The following ATP10B variants were observed in gnomAD, a reference collection of about 807,000 sequenced individuals.
ATP10B encodes phospholipid-transporting ATPase VB.
ATP10B carries 122 observed loss-of-function variants against 141.2 expected under a neutral mutation model. That is an observed-to-expected ratio of 0.86 (90% CI 0.75 to 1.00). ATP10B has a LOEUF of 1.00. ATP10B is among the 50% of genes least tolerant of loss of function. The pLI is 0.00. For missense variants in ATP10B, 1,876 were observed against 1,825.3 expected, an observed-to-expected ratio of 1.03 and a Z score of -0.51; for synonymous variants, 685 against 692.0, an observed-to-expected ratio of 0.99 and a Z score of 0.16.
At chr5:160,813,345 A>C (rs6556526) in intron 1 of ATP10B, among the ~76,000 whole-genome samples, 150,643 of 152,350 alleles carry the variant, frequency 0.99, 74,494 homozygotes, top group South Asian at 1. Flanking sequence ...TATCCCGCGC[A>C]TGGCTTGGAG....
chr5:160,765,973 A>C (rs1480126690), intron 2 of ATP10B, among the ~76,000 whole-genome samples: 2 of 152,224 alleles, frequency 1.3e-5, no homozygotes, highest in Admixed American at 1.3e-4. Flanking sequence ...ATCACTAATT[A>C]TCAGGAAAAT....
rs533780948 is a variant in ATP10B at position 160,724,349 on chromosome 5, C to T, written c.-330-7315G>A. Reference sequence around the variant, plus strand: ...CATAGCTCACTGTAACTTTGACCTACAGGCCTCAAGTGATCATCCCACCTC... The same window carrying T: ...CATAGCTCACTGTAACTTTGACCTATAGGCCTCAAGTGATCATCCCACCTC... On this transcript the variant is annotated intron_variant, in intron 2 of 25. Coordinates refer to ENST00000327245, the MANE Select transcript of ATP10B (RefSeq NM_025153.3). Among the ~76,000 whole-genome samples the T allele has an allele frequency of 4.1e-5, 6 of 145,548 alleles. No individual in the cohort carries two copies. In the Admixed American group the frequency reaches 4.2e-4, roughly 10 times the overall value.
intron 18 of ATP10B, among the ~76,000 whole-genome samples, chr5:160,609,328 T>C (rs1181796177): frequency 2.0e-5 from 3 of 152,056 alleles, no homozygotes; most frequent in Non-Finnish European, 2.9e-5. Flanking sequence ...TTGGGGAACA[T>C]TGATCTAGAG....
chr5:160,799,990 T>G (rs542575179), intron 1 of ATP10B, among the ~76,000 whole-genome samples: 3 of 152,210 alleles, frequency 2.0e-5, no homozygotes, highest in Non-Finnish European at 4.4e-5. Context: ...ATGTTGCATA[T>G]TCTTCATATC....
intron 24 of ATP10B, among the ~76,000 whole-genome samples, chr5:160,579,246 G>A (rs1003677253): frequency 6.6e-6 from 1 of 152,110 alleles, no homozygotes; most frequent in African/African-American, 2.4e-5. Flanking sequence ...CTTTGCCCAT[G>A]CCTATGTCCT....
the ATP10B span, among the ~76,000 whole-genome samples, chr5:160,879,482 C>A: frequency 1.4e-5 from 2 of 141,146 alleles, no homozygotes; most frequent in Non-Finnish European, 3.0e-5. Flanking sequence ...CACATGTATA[C>A]GTATGTAACT....
intron 18 of ATP10B, among the ~76,000 whole-genome samples, chr5:160,607,730 T>C (rs772297054): frequency 5.3e-5 from 8 of 152,232 alleles, no homozygotes; most frequent in Non-Finnish European, 1.0e-4. Flanking sequence ...AAAAGTCTTA[T>C]TGATGGAAAT....
At chr5:160,755,987 T>A (rs1309535026) in intron 2 of ATP10B, among the ~76,000 whole-genome samples, 1 of 150,648 alleles carries the variant, frequency 6.6e-6, no homozygotes, top group East Asian at 1.9e-4. Context: ...TTTTGACATA[T>A]GTATACATTC....
chr5:160,648,034 A>C (rs1299977967), intron 8 of ATP10B, among the ~76,000 whole-genome samples: 1 of 152,160 alleles, frequency 6.6e-6, no homozygotes, highest in African/African-American at 2.4e-5. Context: ...TATGGAAAGC[A>C]CACTGGGGTT....
chr5:160,745,855 C>A (rs1385949754), intron 2 of ATP10B, among the ~76,000 whole-genome samples: 1 of 152,226 alleles, frequency 6.6e-6, no homozygotes, highest in South Asian at 2.1e-4. Flanking sequence ...TGCCCATGGG[C>A]TGGGCCCAAT....
intron 24 of ATP10B, among the ~76,000 whole-genome samples, chr5:160,582,636 G>A (rs1399488181): frequency 2.0e-5 from 3 of 152,000 alleles, no homozygotes; most frequent in East Asian, 1.9e-4. Flanking sequence ...GTCTTGCTAG[G>A]TTGGAGAAGT....
At chr5:160,794,855 A>G (rs1166969941) in intron 1 of ATP10B, among the ~76,000 whole-genome samples, 2 of 152,206 alleles carry the variant, frequency 1.3e-5, no homozygotes, top group African/African-American at 4.8e-5. Flanking sequence ...TTATTTCATT[A>G]ATAGCAATTT....
At chr5:160,821,012 G>A (rs1371520560) in intron 1 of ATP10B, among the ~76,000 whole-genome samples, 1 of 151,858 alleles carries the variant, frequency 6.6e-6, no homozygotes, top group Admixed American at 6.6e-5. Flanking sequence ...CACCTAGCTA[G>A]AGCAATCAGA....
chr5:160,653,664 CATATATATT>C (rs1381034710), intron 7 of ATP10B, among the ~76,000 whole-genome samples: 38 of 112,530 alleles, frequency 3.4e-4, no homozygotes, highest in African/African-American at 1.3e-3. Flanking sequence ...TACATATATA[CATATATATT>C]ATATATACAT....
intron 2 of ATP10B, among the ~76,000 whole-genome samples, chr5:160,784,144 A>C (rs560670124): frequency 1.3e-5 from 2 of 152,268 alleles, no homozygotes; most frequent in African/African-American, 4.8e-5. Context: ...AGTCTTTCTG[A>C]AACTCTTGGA....
rs143876237 is a variant in ATP10B, at chr5:160,777,734, G to A, written c.-331+7825C>T. Among the ~76,000 whole-genome samples the A allele has an allele frequency of 3.6e-4, 55 of 152,152 alleles. No homozygotes were observed. In the East Asian group the frequency reaches 9.8e-3, roughly 27 times the overall value. ...CACCAGTGAAAGCCAAGTATTTTTCGAAACAATTCTCTAGAGGATATACTT... is the reference window on the plus strand; with the variant it reads ...CACCAGTGAAAGCCAAGTATTTTTCAAAACAATTCTCTAGAGGATATACTT... On this transcript the variant is annotated intron_variant, in intron 2 of 25. Coordinates refer to ENST00000327245, the MANE Select transcript of ATP10B (RefSeq NM_025153.3).
chr5:160,762,406 G>A (rs1025291201), intron 2 of ATP10B, among the ~76,000 whole-genome samples: 19 of 152,096 alleles, frequency 1.2e-4, no homozygotes, highest in African/African-American at 3.6e-4. Flanking sequence ...GGGTCCTATC[G>A]TTAGCCTCCT....
Position 160,813,606 on chromosome 5 carries a change from G to A in ATP10B, c.-575-27803C>T, listed in dbSNP as rs142475879. Among the ~76,000 whole-genome samples the A allele has an allele frequency of 5.5e-3, 840 of 152,322 alleles. 7 individuals carry two copies. The highest frequency in any genetic ancestry group is 0.019 in the African/African-American group (781 of 41,566). On this transcript the variant is annotated intron_variant, in intron 1 of 25. Transcript: ENST00000327245. The stretch of plus-strand genomic sequence containing the variant: ...AGCAGAATCCTCTGCAGACTTAAAT[G>A]TCCCTGTCTGACAGCTTCGAAGAGA...
At position 160,809,612 on chromosome 5, in the gene ATP10B, C is replaced by T. The variant is rs938128313; in HGVS notation, c.-575-23809G>A. 9.9e-5 allele frequency among the ~76,000 whole-genome samples: 15 copies of T among 152,208 alleles called. No homozygotes were observed. The East Asian group carries it at 1.5e-3, about 16-fold the overall frequency. On this transcript the variant is annotated intron_variant, in intron 1 of 25. Transcript: ENST00000327245. Reference sequence around the variant, plus strand: ...ATTATTGTTAACAATAGTCATCTTACGGTGCTATAGAATATTGAAACTTAT... The same window carrying T: ...ATTATTGTTAACAATAGTCATCTTATGGTGCTATAGAATATTGAAACTTAT...
Sources: gnomAD v4.1 joint callset for allele counts (sites outside exome capture counted in the v4.1 genomes callset) on GRCh38, gnomAD v4.1.1 for gene constraint, MANE v1.5 for transcripts, NCBI Gene and HGNC (gene_info 2026-07-23, HGNC 2026-07-21) for gene names.